Variants in EIF2D observed in about 807,000 individuals in gnomAD.
EIF2D encodes hepatocellular carcinoma-associated antigen 56.
A neutral mutation model predicts 77.4 loss-of-function variants in EIF2D; 56 were observed. That is an observed-to-expected ratio of 0.72 (90% confidence interval 0.58 to 0.90). The LOEUF (loss-of-function observed/expected upper bound fraction) is 0.90. Among genes scored for constraint, EIF2D ranks in the 40% least tolerant of loss-of-function variants. The pLI is 0.00. For missense variants in EIF2D, 574 were observed against 706.5 expected, an observed-to-expected ratio of 0.81 and a Z score of 2.13; for synonymous variants, 230 against 271.0, an observed-to-expected ratio of 0.85 and a Z score of 1.49.
intron 4 of EIF2D, among the ~76,000 whole-genome samples, chr1:206,574,084 G>T (rs1553404704): frequency 6.6e-6 from 1 of 152,242 alleles, no homozygotes; most frequent in African/African-American, 2.4e-5. Context: ...GGCTCTGCAG[G>T]GGCTTGAACT....
chr1:206,593,910 T>A, intron 13 of EIF2D, 117 bp from the exon 14 acceptor site: 1 of 870,082 alleles, frequency 1.1e-6, no homozygotes, highest in Non-Finnish European at 1.7e-6. Context: ...GGTTCACCAT[T>A]CCTATAACCC....
chr1:206,584,756 T>C lies in EIF2D; in HGVS notation c.139-3594A>G. 1 of 1,534,954 alleles carries C rather than the reference T, an allele frequency of 6.5e-7. No homozygotes were observed. Among genetic ancestry groups the C allele is most frequent in the Non-Finnish European group, 8.9e-7 (1 of 1,123,142 alleles). Reference sequence around the variant, plus strand: ...GTCCAAGCCCACCCACTAAAACTCCTGCCGGCCTTGGGTGGGAGCTGTGGG... The same window carrying C: ...GTCCAAGCCCACCCACTAAAACTCCCGCCGGCCTTGGGTGGGAGCTGTGGG... On this transcript the variant is annotated intron_variant and NMD_transcript_variant, in intron 2 of 5. Transcript: ENST00000472709. This position sits in a 1 kb window ranked among gnomAD's most constrained non-coding sequence, Gnocchi z 4.9.
In EIF2D at chr1:206,584,748, A is replaced by G. The variant is rs1553407228; in HGVS notation, c.139-3586T>C. On this transcript the variant is annotated intron_variant and NMD_transcript_variant, in intron 2 of 5. Transcript: ENST00000472709. This position sits in a 1 kb window ranked among gnomAD's most constrained non-coding sequence, Gnocchi z 4.9. The stretch of plus-strand genomic sequence containing the variant: ...CTACCTGTGTCCAAGCCCACCCACT[A>G]AAACTCCTGCCGGCCTTGGGTGGGA... 1.3e-6 allele frequency: 2 copies of G among 1,569,634 alleles called. No individual in the cohort carries two copies. Among genetic ancestry groups the G allele is most frequent in the Non-Finnish European group, 1.7e-6 (2 of 1,148,480 alleles).
In EIF2D at chr1:206,593,478, A is replaced by C. The variant is rs1669457088; in HGVS notation, c.1684+141T>G. On this transcript the variant is annotated intron_variant, in intron 14 of 14. Transcript: ENST00000271764. ...CTAAAAACTAAATGGAGAGAGAGAG[A>C]GAGAGAGAGCGAGAGAGAGAGAGAG... 9 of 525,066 alleles carry C rather than the reference A, an allele frequency of 1.7e-5. No homozygotes were observed. In the Admixed American group the frequency reaches 2.0e-4, roughly 12 times the overall value. 32.5% of individuals were successfully genotyped at this position (525,066 alleles called of 1,614,324 possible). A position where few individuals can be genotyped will look rare whatever the true frequency, so the allele number is the denominator to read the frequency against.
At chr1:206,603,637 C>T (rs1259204462) in intron 5 of EIF2D, 2 of 166,302 alleles carry the variant, frequency 1.2e-5, no homozygotes, top group African/African-American at 4.8e-5. Context: ...CACGGCTCAG[C>T]ATATGTAATA....
intron 4 of EIF2D, among the ~76,000 whole-genome samples, chr1:206,575,226 G>A (rs1377636260): frequency 6.6e-6 from 1 of 152,156 alleles, no homozygotes; most frequent in African/African-American, 2.4e-5. Flanking sequence ...GGTGTTTGGG[G>A]TGTGGAAGGC....
chr1:206,599,689 C>A lies in EIF2D; in HGVS notation c.1052+44G>T. The A allele has an allele frequency of 6.2e-7, 1 of 1,612,738 alleles. No individual in the cohort carries two copies. Among genetic ancestry groups the A allele is most frequent in the African/African-American group, 1.3e-5 (1 of 74,980 alleles). ...CAATCCCCAGTCCGTGGCCCAGGTGCCCTGGGGCCAGCTGGGCTACAGTGA... is the reference window on the plus strand; with the variant it reads ...CAATCCCCAGTCCGTGGCCCAGGTGACCTGGGGCCAGCTGGGCTACAGTGA... On this transcript the variant is annotated intron_variant, in intron 9 of 14. Transcript: ENST00000271764. This position sits in a 1 kb window ranked among gnomAD's most constrained non-coding sequence, Gnocchi z 4.1.
Position 206,599,028 on chromosome 1 carries a change from C to T in EIF2D, c.1267G>A (p.Asp423Asn), listed in dbSNP as rs1669789664. ...TTTTTGTTGTCTGCATCAACCAGGT[C>T]ATTTTTCTTGGCGTAGTTAATGACG... Reference protein sequence around the residue: ...TIVINYAKKNDLVDADNKNLV... With the variant: ...TIVINYAKKNNLVDADNKNLV... The change falls in exon 11 of 15, where the codon GAC (aspartate) becomes AAC (asparagine). Residue 423 changes from aspartate to asparagine, a missense_variant. Coordinates refer to ENST00000271764, the MANE Select transcript of EIF2D (RefSeq NM_006893.3). The surrounding 1 kb of genome is among the most constrained non-coding windows in gnomAD (Gnocchi z 4.1). The T allele has an allele frequency of 1.2e-6, 2 of 1,614,056 alleles. No homozygotes were observed. The highest frequency in any genetic ancestry group is 1.7e-6 in the Non-Finnish European group (2 of 1,180,028).
intron 14 of EIF2D, among the ~76,000 whole-genome samples, chr1:206,593,301 C>A (rs1553409263): frequency 6.6e-6 from 1 of 152,046 alleles, no homozygotes; most frequent in African/African-American, 2.4e-5. Context: ...CAACAATGGG[C>A]CTAGCACAAA....
rs539604730 is a variant in EIF2D at position 206,584,883 on chromosome 1, CAGGAAAACCACACCCT to C, written c.139-3737_139-3722del. 9.3e-3 allele frequency: 5,822 copies of C among 627,388 alleles called. 44 individuals are homozygous for C. The highest frequency in any genetic ancestry group is 0.012 in the Non-Finnish European group (4,338 of 360,754). 38.9% of individuals were successfully genotyped at this position (627,388 alleles called of 1,614,324 possible). ...GAGTCCCTGACTCTGCATGTGACTT[CAGGAAAACCACACCCT>C]AGGCTCCCATTTCCTGATCTGTGCA... On this transcript the variant is annotated intron_variant and NMD_transcript_variant, in intron 2 of 5. Coordinates refer to the EIF2D transcript ENST00000472709. This position sits in a 1 kb window ranked among gnomAD's most constrained non-coding sequence, Gnocchi z 4.9.
chr1:206,595,867 G>A (rs782704984), intron 12 of EIF2D, 29 bp from the exon 13 acceptor site: 2 of 1,611,384 alleles, frequency 1.2e-6, no homozygotes, highest in Non-Finnish European at 1.7e-6. Flanking sequence ...GTTGCAAACT[G>A]ATAAAGCCAA....
At position 206,607,877 on chromosome 1, in the gene EIF2D, A is replaced by C. The variant is rs6671727; in HGVS notation, c.422+359T>G. Among the ~76,000 whole-genome samples the C allele has an allele frequency of 7.1e-3, 1,079 of 152,298 alleles. 17 individuals carry two copies. The highest frequency in any genetic ancestry group is 0.025 in the African/African-American group (1,032 of 41,550). ...CCAATGTTAATTTCTTAGTTGTAATAATCTATATTGTGGTTATGTAAGAGG... is the reference window on the plus strand; with the variant it reads ...CCAATGTTAATTTCTTAGTTGTAATCATCTATATTGTGGTTATGTAAGAGG... On this transcript the variant is annotated intron_variant, in intron 4 of 14. Coordinates refer to ENST00000271764, the MANE Select transcript of EIF2D (RefSeq NM_006893.3).
At chr1:206,593,506 A>AGTGTGTGTGTGTGTGC in intron 14 of EIF2D, 113 bp downstream of exon 14, 1 of 441,294 alleles carries the variant, frequency 2.3e-6, no homozygotes, top group African/African-American at 2.5e-5. Context: ...AGAGAGAGAG[A>AGTGTGTGTGTGTGTGC]GAGTGTGTGT....
chr1:206,608,396 T>G (rs1670304056), intron 3 of EIF2D, 70 bp from the exon 4 acceptor site: 2 of 1,297,538 alleles, frequency 1.5e-6, no homozygotes, highest in Non-Finnish European at 2.1e-6. Flanking sequence ...CTTCATCATT[T>G]CCTCACTCGC....
At chr1:206,589,185 TGTAA>T (rs1396040845), downstream of EIF2D, 2 of 152,768 alleles carry the variant, frequency 1.3e-5, no homozygotes, top group Non-Finnish European at 1.5e-5. Flanking sequence ...TTGCTCAGTG[TGTAA>T]GTGTTTGTTT....
At chr1:206,590,100 G>A (rs1195419064), downstream of EIF2D, among the ~76,000 whole-genome samples, 2 of 152,156 alleles carry the variant, frequency 1.3e-5, no homozygotes, top group Non-Finnish European at 2.9e-5. Context: ...TAGCACATAG[G>A]AAAAAGAACC....
chr1:206,610,715 G>A (rs1187199907), intron 2 of EIF2D, among the ~76,000 whole-genome samples: 1 of 152,024 alleles, frequency 6.6e-6, no homozygotes, highest in Non-Finnish European at 1.5e-5. Context: ...CTGCTACTCG[G>A]GAGGCTGAGG....
intron 2 of EIF2D, chr1:206,583,204 T>C: frequency 9.4e-7 from 1 of 1,062,842 alleles, no homozygotes; most frequent in Non-Finnish European, 1.5e-6. Flanking sequence ...GGGGAGGGCG[T>C]GGTTGTTCCC....
rs566648939 is a variant in EIF2D, at chr1:206,580,164, G to A, written c.*254+528C>T. Among the ~76,000 whole-genome samples the A allele has an allele frequency of 4.6e-5, 7 of 152,284 alleles. No homozygotes were observed. The South Asian group carries it at 1.5e-3, about 32-fold the overall frequency. The stretch of plus-strand genomic sequence containing the variant: ...GTGGTGGGAAGGGGAGAGATAGATG[G>A]GTCTATCTGCTGAAGAAAGGGGAAC... On this transcript the variant is annotated intron_variant and NMD_transcript_variant, in intron 4 of 5. Coordinates refer to the EIF2D transcript ENST00000472709.
Sources: allele counts gnomAD v4.1 joint callset (sites outside exome capture counted in the v4.1 genomes callset), GRCh38; gene constraint gnomAD v4.1.1; non-coding constraint Gnocchi (gnomAD v3.1); transcripts MANE v1.5; gene names NCBI Gene and HGNC (gene_info 2026-07-23, HGNC 2026-07-21).